The following GPC5 variants were observed in gnomAD, a reference collection of about 807,000 sequenced individuals.
GPC5 encodes the protein glypican 5.
A neutral mutation model predicts 53.9 loss-of-function variants in GPC5; 47 were observed. The ratio of observed to expected loss-of-function variants is 0.87; its 90% CI spans 0.69 to 1.11. GPC5 has a LOEUF of 1.11. Ranked by LOEUF, GPC5 falls within the 50% of genes most tolerant of loss-of-function variation. GPC5 has a pLI of 0.00. For synonymous variants in GPC5, 286 were observed against 263.3 expected, an observed-to-expected ratio of 1.09 and a Z score of -0.84; for missense variants, 748 against 713.1, an observed-to-expected ratio of 1.05 and a Z score of -0.56.
chr13:92,211,299 G>A (rs1211369748), intron 7 of GPC5, among the ~76,000 whole-genome samples: 1 of 152,174 alleles, frequency 6.6e-6, no homozygotes, highest in East Asian at 1.9e-4. Flanking sequence ...CTAAAAGTCA[G>A]TTTTATTAAA....
At chr13:91,497,083 A>G (rs1348337206) in intron 2 of GPC5, among the ~76,000 whole-genome samples, 4 of 151,490 alleles carry the variant, frequency 2.6e-5, no homozygotes, top group Non-Finnish European at 4.4e-5. Context: ...GTTTTTTTTT[A>G]AAGATATTTA....
intron 6 of GPC5, 71 bp from the exon 7 acceptor site, chr13:92,144,759 A>G: frequency 7.0e-7 from 1 of 1,431,758 alleles, no homozygotes; most frequent in East Asian, 2.4e-5. Context: ...ATTCTAAATA[A>G]GTTTTCTGAA....
intron 7 of GPC5, among the ~76,000 whole-genome samples, chr13:92,324,026 A>T (rs1215009378): frequency 2.6e-5 from 4 of 151,928 alleles, no homozygotes; most frequent in Non-Finnish European, 5.9e-5. Flanking sequence ...AAATACTAAC[A>T]TCCTCCTTTC....
intron 4 of GPC5, among the ~76,000 whole-genome samples, chr13:91,728,881 T>C (rs2036634413): frequency 6.6e-6 from 1 of 152,138 alleles, no homozygotes; most frequent in Admixed American, 6.6e-5. Flanking sequence ...TTTGTGATAA[T>C]GGAAGATTTC....
intron 7 of GPC5, chr13:92,509,373 C>A (rs1026082908): frequency 2.0e-5 from 3 of 152,172 alleles, no homozygotes; most frequent in African/African-American, 7.2e-5. Context: ...CCAAAAGGTT[C>A]TCTCTGCTTA....
intron 7 of GPC5, among the ~76,000 whole-genome samples, chr13:92,782,008 G>T (rs900844850): frequency 1.3e-5 from 2 of 151,590 alleles, no homozygotes; most frequent in Non-Finnish European, 2.9e-5. Context: ...TGGCATTCTG[G>T]CCCATGGCCT....
At chr13:92,555,014 A>G (rs1295894598) in intron 7 of GPC5, among the ~76,000 whole-genome samples, 1 of 151,090 alleles carries the variant, frequency 6.6e-6, no homozygotes, top group Non-Finnish European at 1.5e-5. Flanking sequence ...GTTACTGCTA[A>G]CTGGTAAAAG....
chr13:92,141,173 C>T (rs1352588156), intron 6 of GPC5, among the ~76,000 whole-genome samples: 4 of 152,056 alleles, frequency 2.6e-5, no homozygotes, highest in African/African-American at 9.7e-5. Flanking sequence ...TTCTGCAAAT[C>T]AAGTTTTATT....
At position 92,684,538 on chromosome 13, in the gene GPC5, G is replaced by A. The variant is rs142445767; in HGVS notation, c.1562-181744G>A. On this transcript the variant is annotated intron_variant, in intron 7 of 7. Transcript: ENST00000377067. ...CCCACCTCAGCTTCCCAAAGTGCTG[G>A]GATTACAGGCATGAGCCACCACACC... 6.2e-3 allele frequency among the ~76,000 whole-genome samples: 942 copies of A among 152,106 alleles called. 36 individuals are homozygous for A. In the South Asian group the frequency reaches 0.089, roughly 14 times the overall value.
intron 2 of GPC5, among the ~76,000 whole-genome samples, chr13:91,505,016 A>G (rs1175718048): frequency 1.3e-5 from 2 of 152,244 alleles, no homozygotes; most frequent in East Asian, 1.9e-4. Flanking sequence ...ATGGAAGGAT[A>G]TATCACATGG....
At chr13:91,522,337 A>G (rs1326679136) in intron 2 of GPC5, among the ~76,000 whole-genome samples, 1 of 152,182 alleles carries the variant, frequency 6.6e-6, no homozygotes, top group Non-Finnish European at 1.5e-5. Flanking sequence ...ATACAAAACG[A>G]CATCACGTTG....
intron 7 of GPC5, among the ~76,000 whole-genome samples, chr13:92,480,254 G>A (rs1483539041): frequency 1.3e-5 from 2 of 152,172 alleles, no homozygotes; most frequent in Admixed American, 6.5e-5. Context: ...GGAGTTCAGT[G>A]CAGAGAGGTC....
intron 7 of GPC5, among the ~76,000 whole-genome samples, chr13:92,563,521 C>A (rs376115395): frequency 3.9e-5 from 6 of 152,076 alleles, no homozygotes; most frequent in Admixed American, 6.6e-5. Context: ...ACAAAGAAAT[C>A]ATGAATATAT....
At chr13:91,600,097 A>G (rs74884471) in intron 2 of GPC5, among the ~76,000 whole-genome samples, 3,075 of 152,042 alleles carry the variant, frequency 0.02, 98 homozygotes, top group African/African-American at 0.066. Context: ...ATTTTTTTGT[A>G]TTTTTAGAGG....
At chr13:91,712,190 A>G (rs1399518653) in intron 3 of GPC5, among the ~76,000 whole-genome samples, 2 of 152,118 alleles carry the variant, frequency 1.3e-5, no homozygotes, top group African/African-American at 4.8e-5. Flanking sequence ...CAACCATTTT[A>G]TTCAATGATT....
intron 7 of GPC5, among the ~76,000 whole-genome samples, chr13:92,370,822 CTT>C (rs1287898742): frequency 6.6e-6 from 1 of 151,974 alleles, no homozygotes; most frequent in Admixed American, 6.6e-5. Flanking sequence ...AACATGAAAA[CTT>C]ATATTTCAGA....
intron 6 of GPC5, among the ~76,000 whole-genome samples, chr13:92,036,795 A>G (rs1036635180): frequency 6.6e-6 from 1 of 152,214 alleles, no homozygotes; most frequent in African/African-American, 2.4e-5. Flanking sequence ...CAGAACAAGA[A>G]TTAGTTAACA....
chr13:91,897,170 C>T (rs9301758), intron 5 of GPC5, among the ~76,000 whole-genome samples: 79,304 of 151,938 alleles, frequency 0.52, 20,990 homozygotes, highest in East Asian at 0.7. Context: ...AAGATTGAAA[C>T]TGTGTTATGC....
At chr13:92,193,013 A>C (rs770317270) in intron 7 of GPC5, among the ~76,000 whole-genome samples, 4 of 152,114 alleles carry the variant, frequency 2.6e-5, no homozygotes, top group African/African-American at 4.8e-5. Flanking sequence ...CATCTCTACT[A>C]AAAATACAAA....
Sources: allele counts gnomAD v4.1 joint callset (sites outside exome capture counted in the v4.1 genomes callset), GRCh38; gene constraint gnomAD v4.1.1; transcripts MANE v1.5; gene names NCBI Gene and HGNC (gene_info 2026-07-23, HGNC 2026-07-21).